Variants in ATXN3 observed in about 807,000 individuals in gnomAD.
ATXN3 encodes ataxin-3.
Under a neutral mutation model 58.2 loss-of-function variants are expected in ATXN3, and 28 were observed. That is an observed-to-expected ratio of 0.48 (90% confidence interval 0.36 to 0.66). ATXN3 has a LOEUF of 0.66. Ranked by LOEUF, ATXN3 falls within the 30% of genes least tolerant of loss-of-function variation. The pLI is 0.00. For missense variants in ATXN3, 321 were observed against 422.1 expected, an observed-to-expected ratio of 0.76 and a Z score of 2.10; for synonymous variants, 113 against 138.5, an observed-to-expected ratio of 0.82 and a Z score of 1.29.
chr14:92,084,641 A>G (rs2062045069), intron 6 of ATXN3, among the ~76,000 whole-genome samples: 2 of 151,584 alleles, frequency 1.3e-5, no homozygotes, highest in African/African-American at 4.9e-5. Context: ...CAGTGGTGCA[A>G]TATTAGCTCA....
chr14:92,082,375 C>T lies in ATXN3; in HGVS notation c.700G>A (p.Ala234Thr), dbSNP rs1239158752. ...ATGTCAATTTCTTGGCGACTTAGTG[C>T]CAGAGCCCTCTGCAAATCCTCCTCA... ...EDEEDLQRAL[A>T]LSRQEIDMED... The change falls in exon 8 of 11, where the codon GCA becomes ACA. Residue 234 changes from alanine to threonine, a missense_variant. Physicochemically the swap from Ala to Thr is moderately conservative, Grantham distance 58. This residue lies in a region of ATXN3 where 200 missense variants were observed against 223.2 expected (regional missense o/e 0.90). Transcript: ENST00000644486. The T allele has an allele frequency of 6.2e-7, 1 of 1,613,712 alleles. No homozygotes were observed. Among genetic ancestry groups the T allele is most frequent in the Admixed American group, 1.7e-5 (1 of 60,008 alleles).
chr14:92,085,754 G>A (rs1419786713), intron 6 of ATXN3, among the ~76,000 whole-genome samples: 2 of 152,176 alleles, frequency 1.3e-5, no homozygotes, highest in Non-Finnish European at 2.9e-5. Context: ...CCAAAGCTAG[G>A]AGTTAGTCAA....
chr14:92,102,072 G>GAAC (rs2066946021), intron 1 of ATXN3, among the ~76,000 whole-genome samples: 1 of 151,916 alleles, frequency 6.6e-6, no homozygotes, highest in South Asian at 2.1e-4. Flanking sequence ...AGAATCTCTT[G>GAAC]AACTCAGGAG....
rs138429167 is a variant in ATXN3 at position 92,080,266 on chromosome 14, C to T, written c.872+699G>A. On this transcript the variant is annotated intron_variant, in intron 9 of 10. Coordinates refer to ENST00000644486, the MANE Select transcript of ATXN3 (RefSeq NM_004993.6). Reference sequence around the variant, plus strand: ...GGCCATGAGCAGCTAAATGAACTACCACGTCTATTTGGGAATGCGCTCCCA... The same window carrying T: ...GGCCATGAGCAGCTAAATGAACTACTACGTCTATTTGGGAATGCGCTCCCA... 6.7e-3 allele frequency among the ~76,000 whole-genome samples: 1,025 copies of T among 152,192 alleles called. 11 individuals carry two copies. Among genetic ancestry groups the T allele is most frequent in the African/African-American group, 0.023 (963 of 41,518 alleles).
Position 92,093,743 on chromosome 14 carries a change from T to C in ATXN3, c.320+3A>G, listed in dbSNP as rs1356264544. 6.3e-7 allele frequency: 1 copy of C among 1,580,590 alleles called. No homozygotes were observed. Among genetic ancestry groups the C allele is most frequent in the South Asian group, 1.2e-5 (1 of 86,758 alleles). On this transcript the variant is annotated splice_donor_region_variant and intron_variant, in intron 4 of 10. Transcript: ENST00000644486. ...ATGTATGAAATGCAAAACAGAATCT[T>C]ACATAGGATCGATCCTGAGCCTCTG...
chr14:92,095,147 T>C (rs1243981902), intron 3 of ATXN3, among the ~76,000 whole-genome samples: 1 of 151,834 alleles, frequency 6.6e-6, no homozygotes, highest in Non-Finnish European at 1.5e-5. Flanking sequence ...AAATCCAGTC[T>C]GGTAGGCTGA....
chr14:92,099,540 A>G lies in ATXN3; in HGVS notation c.25-2702T>C, dbSNP rs190337187. Among the ~76,000 whole-genome samples, 150 of 152,332 alleles carry G rather than the reference A, an allele frequency of 9.8e-4. 1 individual carries two copies. Among genetic ancestry groups the G allele is most frequent in the African/African-American group, 3.5e-3 (145 of 41,568 alleles). On this transcript the variant is annotated intron_variant, in intron 1 of 10. Transcript: ENST00000644486. ...CTCTTACTGAATAATATGCAAATTG[A>G]AGGGATATACAGATGTTCTACTTAT...
chr14:92,056,096 G>C (rs1414498006), downstream of ATXN3, among the ~76,000 whole-genome samples: 1 of 150,212 alleles, frequency 6.7e-6, no homozygotes, highest in African/African-American at 2.5e-5. Flanking sequence ...AGCAATGGAG[G>C]TGGCATAGAA....
rs1404454741 is a variant in ATXN3 at position 92,063,263 on chromosome 14, A to AT, written c.*1056_*1057insA. ...TCTTTGACAAGCTATACCTACTAAAAGATGTGAAGCAGACACCTACATTCC... is the reference window on the plus strand; with the variant it reads ...TCTTTGACAAGCTATACCTACTAAAATGATGTGAAGCAGACACCTACATTCC... On this transcript the variant is annotated 3_prime_UTR_variant, in exon 11 of 11. Transcript: ENST00000644486. 2 of 152,536 alleles carry AT rather than the reference A, an allele frequency of 1.3e-5. No individual in the cohort carries two copies. The highest frequency in any genetic ancestry group is 2.9e-5 in the Non-Finnish European group (2 of 68,032). The allele number at this position is 152,536 out of a possible 1,614,324, so 9.4% of individuals were successfully genotyped here.
Position 92,064,426 on chromosome 14 carries a change from C to T in ATXN3, c.992-12G>A. The T allele has an allele frequency of 6.3e-7, 1 of 1,576,506 alleles. No homozygotes were observed. Among genetic ancestry groups the T allele is most frequent in the Non-Finnish European group, 8.7e-7 (1 of 1,154,532 alleles). ...ACTCATAGCATCACCTGTTGGGAAA[C>T]AAAACCACATTTCTTTAAAATTTCC... On this transcript the variant is annotated splice_polypyrimidine_tract_variant and intron_variant, in intron 10 of 10. Transcript: ENST00000644486.
Position 92,065,986 on chromosome 14 carries a change from C to G in ATXN3, c.992-1572G>C, listed in dbSNP as rs116967340. Among the ~76,000 whole-genome samples, 878 of 151,980 alleles carry G rather than the reference C, an allele frequency of 5.8e-3. 3 individuals are homozygous for G. The highest frequency in any genetic ancestry group is 9.7e-3 in the Non-Finnish European group (658 of 67,968). Reference sequence around the variant, plus strand: ...CTAAATGTTTGTTTTTCTTTTTTGACTGTGCAGCATTGCCCAGGCTGGTCT... The same window carrying G: ...CTAAATGTTTGTTTTTCTTTTTTGAGTGTGCAGCATTGCCCAGGCTGGTCT... On this transcript the variant is annotated intron_variant, in intron 10 of 10. Transcript: ENST00000644486.
intron 5 of ATXN3, among the ~76,000 whole-genome samples, chr14:92,091,283 T>C (rs1369430272): frequency 1.3e-5 from 2 of 152,026 alleles, no homozygotes; most frequent in African/African-American, 4.8e-5. Flanking sequence ...AAACCCCGTC[T>C]CTACTAAAAA....
At chr14:92,096,373 C>A in intron 2 of ATXN3, 1 of 1,330,434 alleles carries the variant, frequency 7.5e-7, no homozygotes, top group Non-Finnish European at 1.0e-6. Flanking sequence ...ACCTATAATC[C>A]CAGCACTTTG....
intron 6 of ATXN3, among the ~76,000 whole-genome samples, chr14:92,086,974 C>T (rs1430450384): frequency 6.6e-6 from 1 of 151,954 alleles, no homozygotes; most frequent in Non-Finnish European, 1.5e-5. Context: ...GCTCAAAGCA[C>T]AGGTGAAGAT....
chr14:92,063,686 G>A lies in ATXN3; in HGVS notation c.*634C>T, dbSNP rs1432351178. ...ATGATCCCATCGTAGGGCTTAAAAC[G>A]CTAAACCTCAGAAAAGATTACCATC... is the stretch of plus-strand genomic sequence containing the variant. On this transcript the variant is annotated 3_prime_UTR_variant, in exon 11 of 11. Coordinates refer to ENST00000644486, the MANE Select transcript of ATXN3 (RefSeq NM_004993.6). The A allele has an allele frequency of 1.3e-5, 2 of 152,282 alleles. No individual in the cohort carries two copies. Among genetic ancestry groups the A allele is most frequent in the East Asian group, 1.9e-4 (1 of 5,182 alleles). 9.4% of individuals were successfully genotyped at this position (152,282 alleles called of 1,614,324 possible).
At chr14:92,102,241 GGAAA>G (rs1013145149) in intron 1 of ATXN3, among the ~76,000 whole-genome samples, 24 of 127,856 alleles carry the variant, frequency 1.9e-4, no homozygotes, top group Admixed American at 6.0e-4. Context: ...AAGGAAGGAA[GGAAA>G]GAAAGAAAGA....
chr14:92,050,591 C>T (rs2057444607), upstream of ATXN3: 1 of 152,282 alleles, frequency 6.6e-6, no homozygotes, highest in Non-Finnish European at 1.5e-5. Flanking sequence ...CAGCTGCAAG[C>T]TGGTTTCCAT....
rs1414310161 is a variant in ATXN3, at chr14:92,061,298, T to C, written c.*3022A>G. 3 of 151,956 alleles carry C rather than the reference T, an allele frequency of 2.0e-5. No individual in the cohort carries two copies. The highest frequency in any genetic ancestry group is 2.9e-5 in the Non-Finnish European group (2 of 67,988). 9.4% of individuals were successfully genotyped at this position (151,956 alleles called of 1,614,324 possible). A position where few individuals can be genotyped will look rare whatever the true frequency, so the allele number is the denominator to read the frequency against. On this transcript the variant is annotated 3_prime_UTR_variant, in exon 11 of 11. Transcript: ENST00000644486. ...AAAATATTCTGTGAATTGTAAATTA[T>C]TTGGCCAAGATCCTAGTATAGAGTT...
intron 1 of ATXN3, among the ~76,000 whole-genome samples, chr14:92,105,124 T>C (rs1566997435): frequency 6.6e-6 from 1 of 152,066 alleles, no homozygotes. Context: ...TGAAAAGCAT[T>C]GTACTTAACA....
Sources: gnomAD v4.1 joint callset for allele counts (sites outside exome capture counted in the v4.1 genomes callset) on GRCh38, gnomAD v4.1.1 for gene constraint, gnomAD v4.1.1 regional missense constraint, MANE v1.5 for transcripts, NCBI Gene and HGNC (gene_info 2026-07-23, HGNC 2026-07-21) for gene names.